Variants in BACH1 observed in about 807,000 individuals in gnomAD.
The protein encoded by BACH1 is transcription regulator protein BACH1.
In BACH1, 35 loss-of-function variants were observed where a neutral mutation model predicts 52.9. That is an observed-to-expected ratio of 0.66 (90% CI 0.51 to 0.88). BACH1 has a LOEUF of 0.88. BACH1 is among the 40% of genes least tolerant of loss of function. The probability of loss-of-function intolerance (pLI) is 0.00; values close to 1 mark genes in which losing one functional copy is unlikely to be tolerated. For synonymous variants in BACH1, 321 were observed against 319.6 expected (o/e 1.00, Z -0.05); for missense variants, 808 against 872.6 (o/e 0.93, Z 0.93).
At chr21:29,316,485 A>G (rs1196513970) in intron 1 of BACH1, among the ~76,000 whole-genome samples, 1 of 152,226 alleles carries the variant, frequency 6.6e-6, no homozygotes. Context: ...GGCGTAACAC[A>G]GGAGTCCAAA....
Position 29,326,504 on chromosome 21 carries a change from A to G in BACH1, c.680A>G (p.Tyr227Cys). The G allele has an allele frequency of 1.2e-6, 2 of 1,614,230 alleles. No homozygotes were observed. The highest frequency in any genetic ancestry group is 1.7e-6 in the Non-Finnish European group (2 of 1,180,048). The change falls in exon 3 of 5, where the codon TAC becomes TGC. Residue 227 changes from tyrosine (Y) to cysteine (C), a missense_variant. Tyr to Cys is a radical substitution (Grantham distance 194, BLOSUM62 -2). Transcript: ENST00000286800. ...ALALPSLCPK[Y>C]RKFQKAFGTD... is the part of the protein sequence containing the mutation. ...GCCTTGCCTTCTTTATGCCCCAAAT[A>G]CAGAAAATTCCAAAAAGCATTTGGA...
chr21:29,348,795 T>A (rs1490641659), downstream of BACH1, among the ~76,000 whole-genome samples: 1 of 151,960 alleles, frequency 6.6e-6, no homozygotes, highest in Non-Finnish European at 1.5e-5. Context: ...GGAGGAGGCG[T>A]CTTAAATCTA....
rs1165456695 is a variant in BACH1 at position 29,360,862 on chromosome 21, CA to C, written c.472+31178del. Among the ~76,000 whole-genome samples, 40 of 138,102 alleles carry C rather than the reference CA, an allele frequency of 2.9e-4. No homozygotes were observed. In the South Asian group the frequency reaches 3.7e-3, roughly 13 times the overall value. The allele number at this position is 138,102 out of a possible 152,430, so 90.6% of individuals were successfully genotyped here. On this transcript the variant is annotated intron_variant, in intron 2 of 4. Transcript: ENST00000422809. Reference sequence around the variant, plus strand: ...CCCTGTCTCAAAAAAAAAAAAAAAACAAAAAAAAACCCCACATGCTTCCTCC... The same window carrying C: ...CCCTGTCTCAAAAAAAAAAAAAAAACAAAAAAAACCCCACATGCTTCCTCC...
chr21:29,353,023 A>G (rs191703565), intron 2 of BACH1, among the ~76,000 whole-genome samples: 54 of 151,634 alleles, frequency 3.6e-4, no homozygotes, highest in African/African-American at 1.3e-3. Flanking sequence ...TAATTTTTGT[A>G]TTTTTAGTAG....
downstream of BACH1, among the ~76,000 whole-genome samples, chr21:29,348,078 T>A (rs2089180520): frequency 6.6e-6 from 1 of 152,214 alleles, no homozygotes; most frequent in South Asian, 2.1e-4. Context: ...TTTGTCCACC[T>A]GAGTTCGAAG....
At chr21:29,349,499 A>G (rs1236765162), downstream of BACH1, among the ~76,000 whole-genome samples, 3 of 152,268 alleles carry the variant, frequency 2.0e-5, no homozygotes, top group East Asian at 3.9e-4. Flanking sequence ...AGAGGGGCCC[A>G]CCGGCGGCTG....
In BACH1 at chr21:29,326,326, G is replaced by C; in HGVS notation, c.502G>C (p.Asp168His). The change falls in exon 3 of 5, where the codon GAT becomes CAT. Residue 168 changes from aspartate to histidine, a missense_variant. Transcript: ENST00000286800. The stretch of plus-strand genomic sequence containing the variant: ...TTTGGACCAGAGGGATCTAGAAACT[G>C]ATGAAGTGGAGGAATTTCTGGAAAA... ...SLLDQRDLET[D>H]EVEEFLENKN... is the part of the protein sequence containing the mutation. 2 of 1,614,232 alleles carry C rather than the reference G, an allele frequency of 1.2e-6. No homozygotes were observed. Among genetic ancestry groups the C allele is most frequent in the Non-Finnish European group, 1.7e-6 (2 of 1,180,038 alleles).
chr21:29,300,539 G>A (rs896760405), intron 1 of BACH1, among the ~76,000 whole-genome samples: 2 of 152,196 alleles, frequency 1.3e-5, no homozygotes, highest in East Asian at 3.9e-4. Context: ...TAAAGACGGA[G>A]CCTCGTGACC....
chr21:29,330,767 A>G (rs952918894), intron 4 of BACH1, among the ~76,000 whole-genome samples: 21 of 152,208 alleles, frequency 1.4e-4, no homozygotes, highest in Non-Finnish European at 2.2e-4. Flanking sequence ...TGGCAATTAA[A>G]CAGCAACAAT....
intron 1 of BACH1, among the ~76,000 whole-genome samples, chr21:29,301,768 T>C (rs909750174): frequency 3.9e-5 from 6 of 152,210 alleles, no homozygotes; most frequent in Non-Finnish European, 8.8e-5. Context: ...TGTTACTCCT[T>C]GAAGTCTGTT....
At chr21:29,327,704 C>T (rs1237314640) in intron 3 of BACH1, among the ~76,000 whole-genome samples, 1 of 152,084 alleles carries the variant, frequency 6.6e-6, no homozygotes, top group Non-Finnish European at 1.5e-5. Flanking sequence ...GCCTGTAATC[C>T]CAGCTACTCG....
In BACH1 at chr21:29,360,862, C is replaced by CA. The variant is rs1165456695; in HGVS notation, c.472+31178dup. ...CCCTGTCTCAAAAAAAAAAAAAAAA[C>CA]AAAAAAAAACCCCACATGCTTCCTC... On this transcript the variant is annotated intron_variant, in intron 2 of 4. Coordinates refer to the BACH1 transcript ENST00000422809. 7.0e-4 allele frequency among the ~76,000 whole-genome samples: 97 copies of CA among 138,098 alleles called. No homozygotes were observed. The East Asian group carries it at 7.8e-3, about 11-fold the overall frequency. The allele number at this position is 138,098 out of a possible 152,430, so 90.6% of individuals were successfully genotyped here. A position where few individuals can be genotyped will look rare whatever the true frequency, so the allele number is the denominator to read the frequency against.
intron 4 of BACH1, among the ~76,000 whole-genome samples, chr21:29,336,597 A>C (rs1234467976): frequency 6.6e-6 from 1 of 152,064 alleles, no homozygotes; most frequent in East Asian, 1.9e-4. Context: ...TAAATCTTTC[A>C]TTCTATTTAC....
chr21:29,359,991 C>G (rs1429010633), intron 2 of BACH1, among the ~76,000 whole-genome samples: 2 of 152,202 alleles, frequency 1.3e-5, no homozygotes, highest in Non-Finnish European at 2.9e-5. Flanking sequence ...GACTATTCCT[C>G]TATTCATTCC....
chr21:29,327,798 G>T (rs1226832989), intron 3 of BACH1, among the ~76,000 whole-genome samples: 3 of 152,208 alleles, frequency 2.0e-5, no homozygotes, highest in African/African-American at 7.2e-5. Context: ...TCCAGCCTAG[G>T]AGACAGAGCA....
intron 4 of BACH1, 138 bp from the exon 5 acceptor site, chr21:29,342,261 A>G: frequency 1.2e-6 from 1 of 867,712 alleles, no homozygotes; most frequent in Non-Finnish European, 1.8e-6. Flanking sequence ...TATTTAATGT[A>G]TAATTGAATG....
chr21:29,326,474 C>T lies in BACH1; in HGVS notation c.650C>T (p.Ala217Val), dbSNP rs970456121. Residue 217 changes from alanine (A) to valine (V), a missense_variant, in exon 3 of 5, where the codon GCT becomes GTT. By Grantham distance (64) the Ala-to-Val change is moderately conservative (BLOSUM62 0). Coordinates refer to ENST00000286800, the MANE Select transcript of BACH1 (RefSeq NM_001186.4). ...TCCATGTGCTTAGAGAAGGATGCTG[C>T]TCTGGCCTTGCCTTCTTTATGCCCC... ...YESMCLEKDA[A>V]LALPSLCPKY... 1.6e-5 allele frequency: 26 copies of T among 1,614,092 alleles called. No individual in the cohort carries two copies. Among genetic ancestry groups the T allele is most frequent in the Admixed American group, 3.3e-5 (2 of 60,006 alleles).
At chr21:29,305,658 G>A (rs2088648259) in intron 1 of BACH1, among the ~76,000 whole-genome samples, 1 of 152,156 alleles carries the variant, frequency 6.6e-6, no homozygotes, top group Non-Finnish European at 1.5e-5. Context: ...TCTGAAGAGT[G>A]AGGAAAAACT....
At chr21:29,324,803 A>G (rs1471613962) in intron 2 of BACH1, among the ~76,000 whole-genome samples, 1 of 152,124 alleles carries the variant, frequency 6.6e-6, no homozygotes, top group African/African-American at 2.4e-5. Flanking sequence ...AAGTGTCTGT[A>G]CCATTTTACA....
Sources: allele counts gnomAD v4.1 joint callset (sites outside exome capture counted in the v4.1 genomes callset), GRCh38; gene constraint gnomAD v4.1.1; transcripts MANE v1.5; gene names NCBI Gene and HGNC (gene_info 2026-07-23, HGNC 2026-07-21).